Variants in THOP1 observed in about 807,000 individuals in gnomAD.
THOP1 encodes thimet oligopeptidase.
A neutral mutation model predicts 71.8 loss-of-function variants in THOP1; 49 were observed. The observed-to-expected ratio is 0.68, with a 90% CI of 0.54 to 0.87. THOP1 has a LOEUF of 0.87. Ranked by LOEUF, THOP1 falls within the 40% of genes least tolerant of loss-of-function variation. The pLI is 0.00. For missense variants in THOP1, 843 were observed against 975.6 expected (o/e 0.86, Z 1.81); for synonymous variants, 426 against 421.5 (o/e 1.01, Z -0.13).
At chr19:2,808,211 C>T (rs1916361097) in intron 8 of THOP1, 32 bp from the exon 9 acceptor site, 5 of 1,543,142 alleles carry the variant, frequency 3.2e-6, no homozygotes, top group Admixed American at 2.0e-5. Context: ...GTCTCTAGTC[C>T]CTGCGGGGCC....
chr19:2,808,377 T>C lies in THOP1; in HGVS notation c.1388T>C (p.Leu463Pro), dbSNP rs749917788. Residue 463 changes from leucine to proline, a missense_variant, in exon 9 of 13, where the codon CTG becomes CCG. Coordinates refer to ENST00000307741, the MANE Select transcript of THOP1 (RefSeq NM_003249.5). ...CCCACAGCCGACGCGCCCTCGCTGC[T>C]GCAGCATGACGAGGTGGAGACCTAC... is the stretch of plus-strand genomic sequence containing the variant. The part of the protein sequence containing the change: ...TKPTADAPSL[L>P]QHDEVETYFH... The C allele has an allele frequency of 1.2e-6, 2 of 1,611,412 alleles. No individual in the cohort carries two copies. Among genetic ancestry groups the C allele is most frequent in the South Asian group, 2.2e-5 (2 of 90,940 alleles).
intron 11 of THOP1, among the ~76,000 whole-genome samples, chr19:2,811,137 T>A (rs73524718): frequency 0.052 from 7,969 of 152,314 alleles, 672 homozygotes; most frequent in African/African-American, 0.18. Flanking sequence ...GTTTCCATGC[T>A]CACCTGTTGT....
chr19:2,811,460 G>A, intron 11 of THOP1, 138 bp from the exon 12 acceptor site: 1 of 1,184,698 alleles, frequency 8.4e-7, no homozygotes, highest in Non-Finnish European at 1.1e-6. Flanking sequence ...GTATCCAGCT[G>A]GTCTCGGCCC....
intron 2 of THOP1, among the ~76,000 whole-genome samples, chr19:2,791,473 G>T (rs953127234): frequency 6.6e-6 from 1 of 152,218 alleles, no homozygotes; most frequent in Admixed American, 6.5e-5. Flanking sequence ...AGGGTTTGTT[G>T]TCTGGGCCAG....
At chr19:2,793,036 G>C (rs1268001454) in intron 2 of THOP1, among the ~76,000 whole-genome samples, 3 of 152,062 alleles carry the variant, frequency 2.0e-5, no homozygotes, top group Admixed American at 2.0e-4. Context: ...TTATCCGGGC[G>C]TGGTGGCGCA....
rs966367782 is a variant in THOP1, at chr19:2,804,236, C to T, written c.590-780C>T. ...GGTTTCAGTCCGGGATGCTGCCGCC[C>T]CCACTTCTCTTGAGGCTGTCGGGCA... is the stretch of plus-strand genomic sequence containing the variant. On this transcript the variant is annotated intron_variant, in intron 5 of 12. Transcript: ENST00000307741. The surrounding 1 kb of genome is among the most constrained non-coding windows in gnomAD (Gnocchi z 4.7). 1.7e-4 allele frequency among the ~76,000 whole-genome samples: 26 copies of T among 152,332 alleles called. No homozygotes were observed. The highest frequency in any genetic ancestry group is 5.8e-4 in the East Asian group (3 of 5,184).
chr19:2,792,271 C>T (rs1915902442), intron 2 of THOP1, among the ~76,000 whole-genome samples: 2 of 152,104 alleles, frequency 1.3e-5, no homozygotes, highest in African/African-American at 4.8e-5. Context: ...GTCACCCAGG[C>T]TGCTGTAGTG....
chr19:2,809,416 A>C (rs1163561798), intron 9 of THOP1: 4 of 152,208 alleles, frequency 2.6e-5, no homozygotes, highest in Non-Finnish European at 5.9e-5. Context: ...CCGTGCCCCC[A>C]CTAGACTGAG....
At chr19:2,810,005 C>G in intron 9 of THOP1, 1 of 465,702 alleles carries the variant, frequency 2.1e-6, no homozygotes, top group Non-Finnish European at 3.8e-6. Context: ...CCCAACCCCT[C>G]GGGGTGCGGA....
intron 4 of THOP1, among the ~76,000 whole-genome samples, chr19:2,796,961 G>A (rs1459989347): frequency 6.6e-6 from 1 of 152,220 alleles, no homozygotes; most frequent in Admixed American, 6.5e-5. Context: ...CAAGCGTAGT[G>A]TGTTAGCAGA....
chr19:2,804,775 A>G lies in THOP1; in HGVS notation c.590-241A>G. 2.0e-6 allele frequency: 1 copy of G among 488,234 alleles called. No individual in the cohort carries two copies. Among genetic ancestry groups the G allele is most frequent in the South Asian group, 2.7e-5 (1 of 37,380 alleles). 30.2% of individuals were successfully genotyped at this position (488,234 alleles called of 1,614,324 possible). Reference sequence around the variant, plus strand: ...CTGGGGGGTTTCCTGGTGGGGTTAGAGGCGGGACGTGAGAAACGTGGCAGG... The same window carrying G: ...CTGGGGGGTTTCCTGGTGGGGTTAGGGGCGGGACGTGAGAAACGTGGCAGG... On this transcript the variant is annotated intron_variant, in intron 5 of 12. Coordinates refer to ENST00000307741, the MANE Select transcript of THOP1 (RefSeq NM_003249.5). This position sits in a 1 kb window ranked among gnomAD's most constrained non-coding sequence, Gnocchi z 4.7.
In THOP1 at chr19:2,813,341, C is replaced by T; in HGVS notation, c.*65C>T. 11 of 1,497,694 alleles carry T rather than the reference C, an allele frequency of 7.3e-6. No homozygotes were observed. Among genetic ancestry groups the T allele is most frequent in the Non-Finnish European group, 9.8e-6 (11 of 1,120,654 alleles). 92.8% of individuals were successfully genotyped at this position (1,497,694 alleles called of 1,614,324 possible). On this transcript the variant is annotated 3_prime_UTR_variant, in exon 13 of 13. Coordinates refer to ENST00000307741, the MANE Select transcript of THOP1 (RefSeq NM_003249.5). ...GCCGCCCTGGTGCCTTAGCCCCCGG[C>T]ACAGGATGGGGCAGGCTCTGGCACA...
At chr19:2,811,273 G>A (rs769149562) in intron 11 of THOP1, among the ~76,000 whole-genome samples, 2 of 152,250 alleles carry the variant, frequency 1.3e-5, no homozygotes, top group Non-Finnish European at 2.9e-5. Context: ...TTCCAAAAGC[G>A]TTTTCAGCAG....
At chr19:2,806,892 G>A in intron 6 of THOP1, 25 bp from the exon 7 acceptor site, 1 of 1,612,568 alleles carries the variant, frequency 6.2e-7, no homozygotes, top group Non-Finnish European at 8.5e-7. Flanking sequence ...GCCCCTGGGT[G>A]ACAGTGTGGT....
intron 8 of THOP1, 179 bp from the exon 9 acceptor site, chr19:2,808,064 G>A (rs1034173221): frequency 7.3e-6 from 6 of 820,210 alleles, no homozygotes; most frequent in South Asian, 1.8e-5. Flanking sequence ...TGGCAGCCGG[G>A]GCCTGGCCGT....
chr19:2,803,645 C>T (rs371829048), intron 5 of THOP1, among the ~76,000 whole-genome samples: 3 of 152,326 alleles, frequency 2.0e-5, no homozygotes, highest in East Asian at 3.9e-4. Flanking sequence ...TTTGAAGGCC[C>T]GTGGTCCTTG....
chr19:2,808,477 G>A lies in THOP1; in HGVS notation c.1455+33G>A, dbSNP rs747940846. ...CGGGCCCGGGCAGGGGCAGGGGCAGGGGCAGGGGCAGGGGCTGCCTGTGGT... is the reference window on the plus strand; with the variant it reads ...CGGGCCCGGGCAGGGGCAGGGGCAGAGGCAGGGGCAGGGGCTGCCTGTGGT... On this transcript the variant is annotated intron_variant, in intron 9 of 12. Coordinates refer to ENST00000307741, the MANE Select transcript of THOP1 (RefSeq NM_003249.5). The A allele has an allele frequency of 6.5e-6, 10 of 1,543,174 alleles. No individual in the cohort carries two copies. In the Admixed American group the frequency reaches 1.5e-4, roughly 24 times the overall value.
chr19:2,799,010 G>A (rs988333344), intron 4 of THOP1, among the ~76,000 whole-genome samples: 1 of 152,220 alleles, frequency 6.6e-6, no homozygotes, highest in South Asian at 2.1e-4. Context: ...TCTAAAACCA[G>A]CTTTACCAGA....
At chr19:2,803,483 A>T (rs766964599) in intron 5 of THOP1, among the ~76,000 whole-genome samples, 1 of 152,192 alleles carries the variant, frequency 6.6e-6, no homozygotes, top group Non-Finnish European at 1.5e-5. Flanking sequence ...TTTTCTAAAA[A>T]AATAAAAACT....
Sources: allele counts gnomAD v4.1 joint callset (sites outside exome capture counted in the v4.1 genomes callset), GRCh38; gene constraint gnomAD v4.1.1; non-coding constraint Gnocchi (gnomAD v3.1); transcripts MANE v1.5; gene names NCBI Gene and HGNC (gene_info 2026-07-23, HGNC 2026-07-21).